Variants in TAFA5 observed in about 807,000 individuals in gnomAD.
TAFA5 encodes TAFA chemokine like family member 5, also known as chemokine-like protein TAFA-5.
A neutral mutation model predicts 15.3 loss-of-function variants in TAFA5; 6 were observed. That is an observed-to-expected ratio of 0.39 (90% CI 0.21 to 0.77). The LOEUF (loss-of-function observed/expected upper bound fraction) is 0.77. Among genes scored for constraint, TAFA5 ranks in the 30% least tolerant of loss-of-function variants. The pLI is 0.41. For synonymous variants in TAFA5, 103 were observed against 80.7 expected (o/e 1.28, Z -1.48); for missense variants, 161 against 193.1 (o/e 0.83, Z 0.98).
At chr22:48,743,611 G>A (rs1207509929) in intron 3 of TAFA5, among the ~76,000 whole-genome samples, 1 of 152,184 alleles carries the variant, frequency 6.6e-6, no homozygotes, top group African/African-American at 2.4e-5. Context: ...GAGGGGGAGG[G>A]CTGCCAGGTG....
At chr22:48,672,765 A>C (rs1437187125) in intron 2 of TAFA5, among the ~76,000 whole-genome samples, 2 of 152,232 alleles carry the variant, frequency 1.3e-5, no homozygotes, top group Non-Finnish European at 2.9e-5. Context: ...TGGGAAGTTC[A>C]GATTTAGCTC....
intron 1 of TAFA5, among the ~76,000 whole-genome samples, chr22:48,534,252 GTAAGTCAGGTGAGGTGGATCAGGCAAT>G (rs1229590332): frequency 7.3e-5 from 11 of 151,410 alleles, no homozygotes; most frequent in Admixed American, 5.3e-4. Context: ...GGTGAAATGA[GTAAGTCAGGTGAGGTGGATCAGGCAAT>G]TGCGGTGGGT....
At chr22:48,547,229 TC>T (rs1342670758) in intron 1 of TAFA5, 1 of 152,284 alleles carries the variant, frequency 6.6e-6, no homozygotes. Context: ...TCACCTCGGC[TC>T]CCCTGCGCCT....
chr22:48,575,931 G>A, intron 1 of TAFA5, among the ~76,000 whole-genome samples: 1 of 144,580 alleles, frequency 6.9e-6, no homozygotes, highest in South Asian at 2.1e-4. Flanking sequence ...GCGAGCGCGG[G>A]CGGCGGAGGA....
intron 1 of TAFA5, among the ~76,000 whole-genome samples, chr22:48,635,951 T>G (rs927463990): frequency 3.9e-5 from 6 of 152,336 alleles, no homozygotes; most frequent in South Asian, 2.1e-4. Context: ...CAGGCAGAGC[T>G]TGGGAGGAGC....
chr22:48,528,503 G>A (rs1601849613), intron 1 of TAFA5, among the ~76,000 whole-genome samples: 3 of 152,270 alleles, frequency 2.0e-5, no homozygotes, highest in South Asian at 4.1e-4. Flanking sequence ...ACTCCTTCAC[G>A]GGGCCCAGCT....
chr22:48,557,586 C>A (rs531800592), intron 1 of TAFA5, among the ~76,000 whole-genome samples: 1 of 152,308 alleles, frequency 6.6e-6, no homozygotes, highest in African/African-American at 2.4e-5. Context: ...GAGTGGGAGC[C>A]TGGTCTCGCC....
At chr22:48,716,330 A>G (rs1270628314) in intron 3 of TAFA5, among the ~76,000 whole-genome samples, 5 of 152,240 alleles carry the variant, frequency 3.3e-5, no homozygotes, top group South Asian at 2.1e-4. Context: ...GTGGAATACT[A>G]TGCAGCCATA....
intron 1 of TAFA5, among the ~76,000 whole-genome samples, chr22:48,531,184 G>A (rs1044577182): frequency 6.6e-6 from 1 of 152,126 alleles, no homozygotes; most frequent in Non-Finnish European, 1.5e-5. Context: ...TGAGCTGAGC[G>A]GCCCCTGGCC....
chr22:48,706,494 T>A (rs1255928433), intron 2 of TAFA5, among the ~76,000 whole-genome samples: 1 of 152,202 alleles, frequency 6.6e-6, no homozygotes, highest in Non-Finnish European at 1.5e-5. Flanking sequence ...AGTGGGGATA[T>A]GTGACTTCAT....
intron 3 of TAFA5, among the ~76,000 whole-genome samples, chr22:48,731,849 A>G (rs996457018): frequency 1.3e-5 from 2 of 152,206 alleles, no homozygotes; most frequent in African/African-American, 4.8e-5. Context: ...TCAAGGAGTA[A>G]TTTTGAAATT....
intron 1 of TAFA5, among the ~76,000 whole-genome samples, chr22:48,537,788 C>T (rs1922221333): frequency 1.3e-5 from 2 of 152,346 alleles, no homozygotes; most frequent in African/African-American, 4.8e-5. Context: ...CCAGACTAAG[C>T]CAGGCTCCTG....
At chr22:48,628,243 G>A (rs962040551) in intron 1 of TAFA5, among the ~76,000 whole-genome samples, 1 of 152,318 alleles carries the variant, frequency 6.6e-6, no homozygotes, top group Non-Finnish European at 1.5e-5. Context: ...GGCCAGGCGC[G>A]TGGGGACATG....
In TAFA5 at chr22:48,745,765, C is replaced by T. The variant is rs188231685; in HGVS notation, c.391-4074C>T. ...GAGGGGGCCCGGGAGGTGTCAGCAC[C>T]GGCCCAAAGATTTCATATAAACCGT... On this transcript the variant is annotated intron_variant, in intron 3 of 3. Transcript: ENST00000402357. 4.5e-3 allele frequency among the ~76,000 whole-genome samples: 687 copies of T among 152,264 alleles called. 4 individuals are homozygous for T. Among genetic ancestry groups the T allele is most frequent in the African/African-American group, 0.015 (637 of 41,554 alleles).
At chr22:48,661,924 G>A (rs1049533847) in intron 2 of TAFA5, among the ~76,000 whole-genome samples, 2 of 144,268 alleles carry the variant, frequency 1.4e-5, no homozygotes, top group Non-Finnish European at 3.0e-5. Flanking sequence ...GCTCATTGGG[G>A]TGCCCACTTT....
chr22:48,709,130 C>T (rs1438468340), intron 3 of TAFA5, among the ~76,000 whole-genome samples: 1 of 152,188 alleles, frequency 6.6e-6, no homozygotes, highest in African/African-American at 2.4e-5. Context: ...GACTCAGCCT[C>T]GCTGGCAGCC....
chr22:48,531,143 G>A (rs1173925444), intron 1 of TAFA5, among the ~76,000 whole-genome samples: 1 of 151,822 alleles, frequency 6.6e-6, no homozygotes, highest in Admixed American at 6.6e-5. Context: ...AGGAAGTGTG[G>A]GTCTGCATGG....
chr22:48,585,998 C>G (rs982487455), intron 1 of TAFA5, among the ~76,000 whole-genome samples: 1 of 152,246 alleles, frequency 6.6e-6, no homozygotes, highest in Non-Finnish European at 1.5e-5. Context: ...GCCTGGCGTT[C>G]TGGAGGAAGG....
chr22:48,575,077 C>T (rs957370726), intron 1 of TAFA5, among the ~76,000 whole-genome samples: 4 of 152,286 alleles, frequency 2.6e-5, no homozygotes, highest in Admixed American at 1.3e-4. Context: ...CAGCCTCCTC[C>T]GAGCCCTCCC....
Sources: allele counts gnomAD v4.1 joint callset (sites outside exome capture counted in the v4.1 genomes callset), GRCh38; gene constraint gnomAD v4.1.1; transcripts MANE v1.5; gene names NCBI Gene and HGNC (gene_info 2026-07-23, HGNC 2026-07-21).